KAZN: variants seen among roughly 807,000 people sequenced by gnomAD.
The protein encoded by KAZN is kazrin.
In KAZN, 40 loss-of-function variants were observed where a neutral mutation model predicts 87.4. That is an observed-to-expected ratio of 0.46 (90% CI 0.36 to 0.60). The LOEUF (loss-of-function observed/expected upper bound fraction) is 0.60. KAZN is among the 20% of genes least tolerant of loss of function. KAZN has a pLI of 0.00. For synonymous variants in KAZN, 466 were observed against 458.3 expected (o/e 1.02, Z -0.22); for missense variants, 898 against 1,073.9 (o/e 0.84, Z 2.29).
At chr1:15,062,597 A>G (rs1056311240) in intron 6 of KAZN, 1 of 152,556 alleles carries the variant, frequency 6.6e-6, no homozygotes, top group African/African-American at 2.4e-5. Context: ...GAGCAAAAGT[A>G]GGAACTCAGC....
At chr1:13,893,777 C>T in intron 1 of KAZN, 1 of 1,549,748 alleles carries the variant, frequency 6.5e-7, no homozygotes, top group Non-Finnish European at 8.7e-7. Flanking sequence ...CGTCGTGTGT[C>T]ATGTGCCCAG....
At chr1:14,037,452 A>C (rs1047948165) in intron 1 of KAZN, among the ~76,000 whole-genome samples, 2 of 152,182 alleles carry the variant, frequency 1.3e-5, no homozygotes, top group African/African-American at 4.8e-5. Flanking sequence ...GTCTGAAGCT[A>C]TTCTTCCTTT....
chr1:14,628,713 G>A (rs1019111975), intron 1 of KAZN, among the ~76,000 whole-genome samples: 14 of 152,276 alleles, frequency 9.2e-5, no homozygotes, highest in Middle Eastern at 6.8e-3. Context: ...CACCGTCCCT[G>A]TTTCAGAGAT....
chr1:14,946,766 C>G (rs569011796), intron 1 of KAZN, among the ~76,000 whole-genome samples: 1 of 152,110 alleles, frequency 6.6e-6, no homozygotes, highest in Non-Finnish European at 1.5e-5. Context: ...GCATTTAACC[C>G]GAGTTGAAAT....
chr1:15,092,060 G>GTTTTTTTTTTTTTTT (rs57460680), intron 8 of KAZN, among the ~76,000 whole-genome samples: 1 of 114,412 alleles, frequency 8.7e-6, no homozygotes, highest in African/African-American at 3.3e-5. Flanking sequence ...TTGTTTTTTT[G>GTTTTTTTTTTTTTTT]TTTTTTTTTT....
At chr1:15,059,483 G>A (rs1226545840) in intron 5 of KAZN, among the ~76,000 whole-genome samples, 1 of 152,208 alleles carries the variant, frequency 6.6e-6, no homozygotes, top group African/African-American at 2.4e-5. Flanking sequence ...CCAGGAGGAA[G>A]AGAGATGAGA....
intron 1 of KAZN, among the ~76,000 whole-genome samples, chr1:13,971,526 G>A (rs1642135812): frequency 6.6e-6 from 1 of 152,038 alleles, no homozygotes; most frequent in South Asian, 2.1e-4. Context: ...CACGTGCCTT[G>A]GTTACCAGAA....
At chr1:14,507,262 G>C (rs775850178) in intron 2 of KAZN, among the ~76,000 whole-genome samples, 2 of 151,978 alleles carry the variant, frequency 1.3e-5, no homozygotes, top group African/African-American at 2.4e-5. Flanking sequence ...TTTTTATTTT[G>C]AGCCACTCTG....
chr1:14,383,432 G>A (rs1372457750), intron 2 of KAZN, among the ~76,000 whole-genome samples: 1 of 151,944 alleles, frequency 6.6e-6, no homozygotes, highest in East Asian at 1.9e-4. Flanking sequence ...TTTCTTCTAG[G>A]GTTTTTATGG....
chr1:14,149,065 T>TCCTG (rs879273210), intron 1 of KAZN, among the ~76,000 whole-genome samples: 1,373 of 112,770 alleles, frequency 0.012, 20 homozygotes, highest in Non-Finnish European at 0.017. Flanking sequence ...CTTCCTGCCT[T>TCCTG]CCTTCCTTCC....
intron 2 of KAZN, among the ~76,000 whole-genome samples, chr1:14,491,013 C>T (rs909872941): frequency 2.6e-5 from 4 of 152,204 alleles, no homozygotes; most frequent in African/African-American, 9.6e-5. Context: ...GTCATTGTCA[C>T]AAACTTTAGA....
chr1:14,742,933 C>T (rs992568164), intron 1 of KAZN, among the ~76,000 whole-genome samples: 1 of 151,850 alleles, frequency 6.6e-6, no homozygotes, highest in East Asian at 1.9e-4. Context: ...GCACTTGGCA[C>T]CTGGTAGTGA....
At chr1:14,765,079 C>T (rs768938147) in intron 1 of KAZN, among the ~76,000 whole-genome samples, 15 of 152,180 alleles carry the variant, frequency 9.9e-5, no homozygotes, top group African/African-American at 2.7e-4. Flanking sequence ...TCCACGATGC[C>T]GGGCTCATCA....
At chr1:14,575,379 AAG>A (rs1357981275) in intron 2 of KAZN, among the ~76,000 whole-genome samples, 5 of 152,222 alleles carry the variant, frequency 3.3e-5, no homozygotes, top group Non-Finnish European at 2.9e-5. Context: ...GGTGGCAGAC[AAG>A]AGAGAATGAG....
intron 1 of KAZN, among the ~76,000 whole-genome samples, chr1:14,839,804 T>C (rs908142718): frequency 3.9e-5 from 6 of 152,140 alleles, no homozygotes; most frequent in East Asian, 3.9e-4. Flanking sequence ...TGAAAGACAT[T>C]GGGGCTTGTA....
At chr1:14,994,544 AG>A (rs1667687648) in intron 2 of KAZN, among the ~76,000 whole-genome samples, 1 of 152,232 alleles carries the variant, frequency 6.6e-6, no homozygotes, top group Non-Finnish European at 1.5e-5. Flanking sequence ...CCCCGGGAAT[AG>A]TCACCTTTGT....
At chr1:14,676,134 T>C (rs1030056945) in intron 1 of KAZN, among the ~76,000 whole-genome samples, 2 of 152,112 alleles carry the variant, frequency 1.3e-5, no homozygotes, top group African/African-American at 2.4e-5. Context: ...TTTTTTCCGG[T>C]TTGAAAGAGC....
intron 2 of KAZN, among the ~76,000 whole-genome samples, chr1:14,190,536 A>C (rs1345352953): frequency 6.6e-6 from 1 of 152,146 alleles, no homozygotes; most frequent in Admixed American, 6.5e-5. Flanking sequence ...TATAAGAGGC[A>C]TTTACTTGCC....
In KAZN at chr1:14,618,225, C is replaced by T. The variant is rs147400024; in HGVS notation, c.226+19002C>T. ...CACTGGGGCATGGCCCCAGCCCCGG[C>T]GTGTTCTAGTGATGAGAGTGAGGAT... On this transcript the variant is annotated intron_variant, in intron 1 of 14. Coordinates refer to ENST00000376030, the MANE Select transcript of KAZN (RefSeq NM_201628.3). 2.2e-3 allele frequency among the ~76,000 whole-genome samples: 330 copies of T among 152,256 alleles called. 1 individual carries two copies. Among genetic ancestry groups the T allele is most frequent in the African/African-American group, 7.7e-3 (318 of 41,548 alleles).
Sources: gnomAD v4.1 joint callset for allele counts (sites outside exome capture counted in the v4.1 genomes callset) on GRCh38, gnomAD v4.1.1 for gene constraint, MANE v1.5 for transcripts, NCBI Gene and HGNC (gene_info 2026-07-23, HGNC 2026-07-21) for gene names.